The following AUH variants were observed in gnomAD, a reference collection of about 807,000 sequenced individuals.
The protein encoded by AUH is methylglutaconyl-CoA hydratase, mitochondrial.
In AUH, 29 loss-of-function variants were observed where a neutral mutation model predicts 42.3. That is an observed-to-expected ratio of 0.69 (90% CI 0.51 to 0.93). AUH has a LOEUF of 0.93. Ranked by LOEUF, AUH falls within the 40% of genes least tolerant of loss-of-function variation. The pLI is 0.00. For missense variants in AUH, 452 were observed against 438.1 expected (o/e 1.03, Z -0.28); for synonymous variants, 174 against 166.4 (o/e 1.05, Z -0.35).
At chr9:91,317,623 C>T (rs1295078809) in intron 4 of AUH, among the ~76,000 whole-genome samples, 1 of 152,096 alleles carries the variant, frequency 6.6e-6, no homozygotes, top group African/African-American at 2.4e-5. Flanking sequence ...ATTTCTTTTT[C>T]GGTCCTTATT....
chr9:91,341,529 CA>C (rs1353460257), intron 3 of AUH, among the ~76,000 whole-genome samples: 1 of 152,204 alleles, frequency 6.6e-6, no homozygotes, highest in Non-Finnish European at 1.5e-5. Flanking sequence ...GACAATATCT[CA>C]AGAACAAATC....
chr9:91,232,163 T>G (rs941200935), intron 6 of AUH, among the ~76,000 whole-genome samples: 74 of 152,206 alleles, frequency 4.9e-4, no homozygotes, highest in African/African-American at 1.7e-3. Context: ...GGCAGGGGGA[T>G]AGCTTGAGCC....
At chr9:91,297,156 G>T (rs1480833946) in intron 5 of AUH, among the ~76,000 whole-genome samples, 2 of 152,206 alleles carry the variant, frequency 1.3e-5, no homozygotes, top group Non-Finnish European at 2.9e-5. Flanking sequence ...TGTGTGGGCT[G>T]TGGCCAAACA....
chr9:91,346,021 C>G (rs1831482312), intron 3 of AUH, among the ~76,000 whole-genome samples: 1 of 152,020 alleles, frequency 6.6e-6, no homozygotes, highest in Non-Finnish European at 1.5e-5. Flanking sequence ...AAAAAAAATA[C>G]TTCGTCGTTT....
At chr9:91,219,193 A>T (rs1442531447) in intron 7 of AUH, among the ~76,000 whole-genome samples, 2 of 152,224 alleles carry the variant, frequency 1.3e-5, no homozygotes, top group Non-Finnish European at 2.9e-5. Context: ...CAGAAGCATC[A>T]TGGGAGAGAG....
At chr9:91,293,325 C>T in intron 6 of AUH, among the ~76,000 whole-genome samples, 1 of 152,228 alleles carries the variant, frequency 6.6e-6, no homozygotes, top group East Asian at 1.9e-4. Context: ...AAAGCTAGGC[C>T]TCTTGCACCA....
At chr9:91,289,348 C>T (rs1389852145) in intron 6 of AUH, among the ~76,000 whole-genome samples, 1 of 152,074 alleles carries the variant, frequency 6.6e-6, no homozygotes, top group African/African-American at 2.4e-5. Flanking sequence ...TGAATTCTCC[C>T]CACTTATTTT....
At chr9:91,250,701 T>A (rs1366045271) in intron 6 of AUH, among the ~76,000 whole-genome samples, 1 of 152,172 alleles carries the variant, frequency 6.6e-6, no homozygotes, top group Non-Finnish European at 1.5e-5. Context: ...CTCTCTGGAG[T>A]ACAGCACCCA....
intron 6 of AUH, among the ~76,000 whole-genome samples, chr9:91,262,318 T>A (rs1829747004): frequency 6.6e-6 from 1 of 152,206 alleles, no homozygotes. Flanking sequence ...ATAGAAATAT[T>A]TTAATGTAGT....
intron 6 of AUH, among the ~76,000 whole-genome samples, chr9:91,272,641 C>G (rs1300478202): frequency 6.6e-6 from 1 of 152,172 alleles, no homozygotes; most frequent in Non-Finnish European, 1.5e-5. Context: ...ATTTTTCCAT[C>G]ACCACATTTA....
intron 6 of AUH, among the ~76,000 whole-genome samples, chr9:91,292,132 AG>A (rs1329525503): frequency 6.6e-6 from 1 of 152,206 alleles, no homozygotes; most frequent in Non-Finnish European, 1.5e-5. Context: ...GGCTCTTTCA[AG>A]AACAGAAGCT....
At chr9:91,346,006 T>C (rs1278470180) in intron 3 of AUH, among the ~76,000 whole-genome samples, 1 of 152,090 alleles carries the variant, frequency 6.6e-6, no homozygotes, top group Admixed American at 6.6e-5. Flanking sequence ...AAGCCACCTG[T>C]GTATAAAAAA....
At chr9:91,333,296 T>C (rs1485011815) in intron 3 of AUH, among the ~76,000 whole-genome samples, 1 of 152,228 alleles carries the variant, frequency 6.6e-6, no homozygotes, top group Non-Finnish European at 1.5e-5. Context: ...TTTTTCCTGA[T>C]ATAACTGGTA....
At chr9:91,297,803 A>G (rs762320061) in intron 5 of AUH, among the ~76,000 whole-genome samples, 181 bp downstream of exon 5, 8 of 152,148 alleles carry the variant, frequency 5.3e-5, no homozygotes, top group Non-Finnish European at 1.0e-4. Flanking sequence ...AAATCCTGGC[A>G]AGAAACAACA....
At chr9:91,235,613 G>A (rs1476408241) in intron 6 of AUH, among the ~76,000 whole-genome samples, 2 of 152,202 alleles carry the variant, frequency 1.3e-5, no homozygotes, top group East Asian at 3.8e-4. Context: ...TAGGGAGACT[G>A]TTTAGACAAA....
At chr9:91,292,038 C>A (rs1233794953) in intron 6 of AUH, among the ~76,000 whole-genome samples, 1 of 151,550 alleles carries the variant, frequency 6.6e-6, no homozygotes, top group Non-Finnish European at 1.5e-5. Context: ...CCTCCAAATT[C>A]TCTGAATCAA....
At chr9:91,265,085 A>AG (rs11435729) in intron 6 of AUH, among the ~76,000 whole-genome samples, 3,129 of 152,190 alleles carry the variant, frequency 0.021, 104 homozygotes, top group African/African-American at 0.071. Flanking sequence ...ACACACCCAC[A>AG]GTGACTCTTT....
At chr9:91,285,542 CCT>C (rs2131590437) in intron 6 of AUH, among the ~76,000 whole-genome samples, 1 of 151,978 alleles carries the variant, frequency 6.6e-6, no homozygotes, top group South Asian at 2.1e-4. Context: ...TTGCCTTATC[CCT>C]GTTTGACTAC....
intron 6 of AUH, among the ~76,000 whole-genome samples, chr9:91,234,710 G>A (rs181576522): frequency 7.3e-5 from 11 of 151,520 alleles, no homozygotes; most frequent in Admixed American, 7.3e-4. Context: ...CCACAGTGCT[G>A]AGTAAGATAG....
Sources: gnomAD v4.1 joint callset for allele counts (sites outside exome capture counted in the v4.1 genomes callset) on GRCh38, gnomAD v4.1.1 for gene constraint, MANE v1.5 for transcripts, NCBI Gene and HGNC (gene_info 2026-07-23, HGNC 2026-07-21) for gene names.